The following PLPP7 variants were observed in gnomAD, a reference collection of about 807,000 sequenced individuals.
PLPP7 encodes inactive phospholipid phosphatase 7.
In PLPP7, 11 loss-of-function variants were observed where a neutral mutation model predicts 16.9. The observed-to-expected ratio is 0.65, with a 90% CI of 0.41 to 1.08. The LOEUF is 1.08. Among genes scored for constraint, PLPP7 ranks in the 50% least tolerant of loss-of-function variants. The pLI is 0.00. For missense variants in PLPP7, 358 were observed against 397.1 expected (o/e 0.90, Z 0.84); for synonymous variants, 174 against 175.1 (o/e 0.99, Z 0.05).
At position 131,289,932 on chromosome 9, in the gene PLPP7, T is replaced by C; in HGVS notation, c.-66T>C. Reference sequence around the variant, plus strand: ...CGGTGGCGGCTCTGGGGGCAGCTCTTGTCTTCGGGGAGAAGGCCCTTGGAG... The same window carrying C: ...CGGTGGCGGCTCTGGGGGCAGCTCTCGTCTTCGGGGAGAAGGCCCTTGGAG... On this transcript the variant is annotated 5_prime_UTR_variant, in exon 1 of 2. Transcript: ENST00000372264. The C allele has an allele frequency of 7.6e-7, 1 of 1,311,886 alleles. No individual in the cohort carries two copies. The highest frequency in any genetic ancestry group is 9.8e-7 in the Non-Finnish European group (1 of 1,022,144). The allele number at this position is 1,311,886 out of a possible 1,614,324, so 81.3% of individuals were successfully genotyped here. A position where few individuals can be genotyped will look rare whatever the true frequency, so the allele number is the denominator to read the frequency against.
At chr9:131,297,628 C>T (rs12342321) in intron 1 of PLPP7, among the ~76,000 whole-genome samples, 149 of 152,270 alleles carry the variant, frequency 9.8e-4, no homozygotes, top group African/African-American at 3.2e-3. Flanking sequence ...TCAAGCTATC[C>T]GCCTGCCACC....
rs766147136 is a variant in PLPP7 at position 131,290,118 on chromosome 9, A to G, written c.121A>G (p.Lys41Glu). The change falls in exon 1 of 2, where the codon AAG becomes GAG. Residue 41 changes from lysine (K) to glutamate (E), a missense_variant. Coordinates refer to ENST00000372264, the MANE Select transcript of PLPP7 (RefSeq NM_032728.4). This position sits in a 1 kb window ranked among gnomAD's most constrained non-coding sequence, Gnocchi z 4.2. The stretch of plus-strand genomic sequence containing the variant: ...CCCGGAGCCCCGCAGCTCGGGCAGA[A>G]AGGCCTCGGGCCCATCAGCACAGCC... The part of the protein sequence containing the change: ...GGPEPRSSGR[K>E]ASGPSAQPPP... The G allele has an allele frequency of 3.3e-6, 5 of 1,536,284 alleles. No homozygotes were observed. In the South Asian group the frequency reaches 6.3e-5, roughly 19 times the overall value.
chr9:131,291,190 GC>G, intron 1 of PLPP7: 2 of 1,363,648 alleles, frequency 1.5e-6, no homozygotes, highest in Non-Finnish European at 2.0e-6. Context: ...GTGATGCCCA[GC>G]CCCCGTCCGG....
In PLPP7 at chr9:131,308,546, T is replaced by C. The variant is rs1290663690; in HGVS notation, c.*259T>C. On this transcript the variant is annotated 3_prime_UTR_variant, in exon 2 of 2. Transcript: ENST00000372264. ...TCTCTAGGCAGCCAGGACCCACCCA[T>C]GGGGACAGCCCTATTTAGCTTCTGC... The C allele has an allele frequency of 5.4e-6, 3 of 556,328 alleles. No homozygotes were observed. Among genetic ancestry groups the C allele is most frequent in the South Asian group, 2.2e-5 (1 of 46,496 alleles). 34.5% of individuals were successfully genotyped at this position (556,328 alleles called of 1,614,324 possible).
Position 131,292,773 on chromosome 9 carries a change from G to GT in PLPP7, c.451+2335dup, listed in dbSNP as rs35490588. On this transcript the variant is annotated intron_variant, in intron 1 of 1. Transcript: ENST00000372264. The stretch of plus-strand genomic sequence containing the variant: ...TCACCAAGTAAAATAGCTCTGCTTT[G>GT]TTTTTTTTTTACAGGAATGTTTGCT... 2,563 of 899,446 alleles carry GT rather than the reference G, an allele frequency of 2.8e-3. 2 individuals are homozygous for GT. The highest frequency in any genetic ancestry group is 0.011 in the South Asian group (221 of 19,670). 55.7% of individuals were successfully genotyped at this position (899,446 alleles called of 1,614,324 possible).
intron 1 of PLPP7, 109 bp from the exon 2 acceptor site, chr9:131,307,814 G>A (rs935029904): frequency 8.6e-7 from 1 of 1,166,548 alleles, no homozygotes; most frequent in Admixed American, 2.9e-5. Context: ...GTGGCTGAGT[G>A]GCCTGAGTGA....
At chr9:131,292,451 G>A (rs1190178890) in intron 1 of PLPP7, among the ~76,000 whole-genome samples, 1 of 152,212 alleles carries the variant, frequency 6.6e-6, no homozygotes, top group Non-Finnish European at 1.5e-5. Flanking sequence ...CATGGAGCTT[G>A]GTGCTGTTAT....
rs529997165 is a variant in PLPP7, at chr9:131,307,202, G to C, written c.452-721G>C. ...TGGAGGTTGCAGTGAGCCAAGATCAGGCCACTGCACTACAGCCTGGGCAAT... is the reference window on the plus strand; with the variant it reads ...TGGAGGTTGCAGTGAGCCAAGATCACGCCACTGCACTACAGCCTGGGCAAT... On this transcript the variant is annotated intron_variant, in intron 1 of 1. Transcript: ENST00000372264. Among the ~76,000 whole-genome samples, 12 of 149,024 alleles carry C rather than the reference G, an allele frequency of 8.1e-5. No individual in the cohort carries two copies. In the South Asian group the frequency reaches 2.6e-3, roughly 32 times the overall value.
intron 1 of PLPP7, among the ~76,000 whole-genome samples, chr9:131,298,478 C>T (rs562099200): frequency 1.3e-5 from 2 of 152,236 alleles, no homozygotes; most frequent in South Asian, 2.1e-4. Context: ...CAGCTGAGCC[C>T]ACAGCCTTCA....
intron 1 of PLPP7, among the ~76,000 whole-genome samples, chr9:131,302,780 G>A (rs780291999): frequency 2.2e-4 from 34 of 152,150 alleles, no homozygotes; most frequent in Non-Finnish European, 4.3e-4. Flanking sequence ...GAGATGCCAC[G>A]ATTCAAACCC....
chr9:131,290,092 G>T lies in PLPP7; in HGVS notation c.95G>T (p.Gly32Val), dbSNP rs779777162. Reference protein sequence around the residue: ...FLSLNQPPKGGPEPRSSGRKA... With the variant: ...FLSLNQPPKGVPEPRSSGRKA... ...TCCCTGAACCAGCCCCCCAAGGGGG[G>T]CCCGGAGCCCCGCAGCTCGGGCAGA... Residue 32 changes from glycine to valine, a missense_variant, in exon 1 of 2, where the codon GGC (glycine) becomes GTC (valine). By Grantham distance (109) the Gly-to-Val change is moderately radical (BLOSUM62 -3). Transcript: ENST00000372264. This position sits in a 1 kb window ranked among gnomAD's most constrained non-coding sequence, Gnocchi z 4.2. The T allele has an allele frequency of 1.3e-6, 2 of 1,515,686 alleles. No individual in the cohort carries two copies. Among genetic ancestry groups the T allele is most frequent in the Non-Finnish European group, 1.8e-6 (2 of 1,132,116 alleles). 93.9% of individuals were successfully genotyped at this position (1,515,686 alleles called of 1,614,324 possible). A position where few individuals can be genotyped will look rare whatever the true frequency, so the allele number is the denominator to read the frequency against.
intron 1 of PLPP7, among the ~76,000 whole-genome samples, chr9:131,307,657 G>A (rs1360481652): frequency 1.3e-5 from 2 of 151,958 alleles, no homozygotes; most frequent in Non-Finnish European, 2.9e-5. Context: ...AAGGTGAGGG[G>A]AGACAGCGTG....
chr9:131,292,182 CCA>C (rs1835685231), intron 1 of PLPP7, among the ~76,000 whole-genome samples: 1 of 152,252 alleles, frequency 6.6e-6, no homozygotes, highest in Non-Finnish European at 1.5e-5. Context: ...CTCTCATTAT[CCA>C]CAGTTTCACA....
chr9:131,300,715 G>T (rs1278303471), intron 1 of PLPP7, among the ~76,000 whole-genome samples: 1 of 150,004 alleles, frequency 6.7e-6, no homozygotes, highest in Non-Finnish European at 1.5e-5. Flanking sequence ...AAAAAAAAAG[G>T]GAAGGTGTGG....
At chr9:131,294,573 G>T (rs1203318408) in intron 1 of PLPP7, among the ~76,000 whole-genome samples, 1 of 152,144 alleles carries the variant, frequency 6.6e-6, no homozygotes, top group Non-Finnish European at 1.5e-5. Flanking sequence ...GCCCATCCTT[G>T]TTTCCTCATG....
intron 1 of PLPP7, among the ~76,000 whole-genome samples, chr9:131,292,290 T>C (rs1285437484): frequency 6.6e-6 from 1 of 152,202 alleles, no homozygotes; most frequent in Non-Finnish European, 1.5e-5. Context: ...CCAGTCTGTC[T>C]CTCAACCCTG....
intron 1 of PLPP7, among the ~76,000 whole-genome samples, chr9:131,297,976 A>G (rs1313011034): frequency 3.3e-5 from 5 of 152,164 alleles, no homozygotes; most frequent in African/African-American, 1.2e-4. Context: ...TAGTCGGGCT[A>G]TAAATATACA....
chr9:131,291,034 G>A (rs1835669513), intron 1 of PLPP7: 4 of 1,354,116 alleles, frequency 3.0e-6, no homozygotes, highest in East Asian at 4.6e-5. Context: ...TTCCCAGGGG[G>A]AGTCACTGGA....
At chr9:131,297,160 G>A (rs1459513339) in intron 1 of PLPP7, among the ~76,000 whole-genome samples, 2 of 152,246 alleles carry the variant, frequency 1.3e-5, no homozygotes, top group Admixed American at 6.5e-5. Flanking sequence ...CCACACAGCG[G>A]ATGCAAGAGA....
Sources: gnomAD v4.1 joint callset for allele counts (sites outside exome capture counted in the v4.1 genomes callset) on GRCh38, gnomAD v4.1.1 for gene constraint, Gnocchi (gnomAD v3.1) non-coding constraint, MANE v1.5 for transcripts, NCBI Gene and HGNC (gene_info 2026-07-23, HGNC 2026-07-21) for gene names.